Variants in STK33 observed in about 807,000 individuals in gnomAD.
The protein encoded by STK33 is serine/threonine kinase 33, also known as serine/threonine-protein kinase 33.
In STK33, 52 loss-of-function variants were observed where a neutral mutation model predicts 58.0. The ratio of observed to expected loss-of-function variants is 0.90; its 90% CI spans 0.72 to 1.13. The LOEUF is 1.13. STK33 is among the 50% of genes most tolerant of loss of function. STK33 has a pLI of 0.00. For missense variants in STK33, 630 were observed against 604.2 expected (o/e 1.04, Z -0.45); for synonymous variants, 215 against 200.1 (o/e 1.07, Z -0.63).
chr11:8,461,383 A>T (rs1187153393), intron 8 of STK33, among the ~76,000 whole-genome samples: 1 of 152,246 alleles, frequency 6.6e-6, no homozygotes, highest in East Asian at 1.9e-4. Flanking sequence ...ATGAAAAAAT[A>T]TCTCCTACAA....
the STK33 span, among the ~76,000 whole-genome samples, chr11:8,385,195 T>C: frequency 2.0e-5 from 3 of 152,272 alleles, no homozygotes; most frequent in African/African-American, 7.2e-5. Context: ...CACCATCTTA[T>C]TCAATGTCCT....
intron 15 of STK33, among the ~76,000 whole-genome samples, chr11:8,400,547 T>C (rs1432030259): frequency 6.6e-6 from 1 of 152,206 alleles, no homozygotes; most frequent in East Asian, 1.9e-4. Flanking sequence ...GCATTCCCTT[T>C]GAAAACTGGC....
intron 14 of STK33, among the ~76,000 whole-genome samples, chr11:8,431,494 C>CA (rs1943424111): frequency 6.6e-6 from 1 of 152,158 alleles, no homozygotes; most frequent in African/African-American, 2.4e-5. Context: ...ACCTTGATTA[C>CA]AAAGTGCTTT....
intron 1 of STK33, among the ~76,000 whole-genome samples, chr11:8,492,683 C>A (rs1248772283): frequency 1.3e-5 from 2 of 152,162 alleles, no homozygotes; most frequent in East Asian, 3.8e-4. Flanking sequence ...CCAAAATTGA[C>A]CACATAGTTG....
At chr11:8,410,534 G>A (rs530503980) in intron 15 of STK33, among the ~76,000 whole-genome samples, 5 of 146,656 alleles carry the variant, frequency 3.4e-5, no homozygotes, top group East Asian at 4.0e-4. Context: ...GTGCAGTGGC[G>A]TGATCTTGGC....
intron 1 of STK33, among the ~76,000 whole-genome samples, chr11:8,576,772 T>C (rs780130690): frequency 6.6e-6 from 1 of 152,110 alleles, no homozygotes; most frequent in Non-Finnish European, 1.5e-5. Context: ...AGCTAATAAA[T>C]GACAGAGACA....
chr11:8,375,736 C>T, the STK33 span, among the ~76,000 whole-genome samples: 1 of 152,014 alleles, frequency 6.6e-6, no homozygotes, highest in Non-Finnish European at 1.5e-5. Context: ...GGGCTCTTAC[C>T]CCTTCACTTG....
downstream of STK33, among the ~76,000 whole-genome samples, chr11:8,390,496 T>C (rs183036922): frequency 6.6e-6 from 1 of 152,176 alleles, no homozygotes; most frequent in East Asian, 1.9e-4. Context: ...GGCACATCTG[T>C]TGGAAACAAA....
At chr11:8,590,888 A>T (rs2032488145) in intron 1 of STK33, among the ~76,000 whole-genome samples, 1 of 152,230 alleles carries the variant, frequency 6.6e-6, no homozygotes, top group Non-Finnish European at 1.5e-5. Context: ...ATGCCAAAAA[A>T]GTCAGCAATT....
At chr11:8,518,021 C>A (rs969936077) in intron 1 of STK33, among the ~76,000 whole-genome samples, 1 of 152,174 alleles carries the variant, frequency 6.6e-6, no homozygotes, top group East Asian at 1.9e-4. Context: ...AGAAGAGCAA[C>A]CCCAAGACAC....
At chr11:8,398,240 C>A (rs1849725925) in intron 15 of STK33, among the ~76,000 whole-genome samples, 1 of 152,168 alleles carries the variant, frequency 6.6e-6, no homozygotes, top group South Asian at 2.1e-4. Context: ...AAGGTGAAGC[C>A]CATCAGACTA....
At chr11:8,382,354 G>A in the STK33 span, among the ~76,000 whole-genome samples, 1 of 152,232 alleles carries the variant, frequency 6.6e-6, no homozygotes, top group Non-Finnish European at 1.5e-5. Context: ...GGAAATGAAA[G>A]TGAGAGGCAA....
chr11:8,579,475 GA>G (rs1363449971), intron 1 of STK33, among the ~76,000 whole-genome samples: 1 of 151,756 alleles, frequency 6.6e-6, no homozygotes, highest in East Asian at 1.9e-4. Flanking sequence ...AATGATGAGG[GA>G]ATCAGAGCAT....
At chr11:8,486,400 C>G (rs2138431623) in intron 1 of STK33, among the ~76,000 whole-genome samples, 1 of 152,266 alleles carries the variant, frequency 6.6e-6, no homozygotes, top group Middle Eastern at 3.4e-3. Context: ...TATGTGTACT[C>G]TCAGCCTGGA....
At chr11:8,384,572 C>T in the STK33 span, among the ~76,000 whole-genome samples, 1 of 152,148 alleles carries the variant, frequency 6.6e-6, no homozygotes, top group Non-Finnish European at 1.5e-5. Context: ...TACACCTGGT[C>T]CTCCTTTTAA....
chr11:8,383,354 G>A, the STK33 span, among the ~76,000 whole-genome samples: 2 of 152,176 alleles, frequency 1.3e-5, no homozygotes, highest in Non-Finnish European at 2.9e-5. Flanking sequence ...CAGATGATAG[G>A]AAGAATTTTC....
At chr11:8,393,076 G>C (rs1267948994) in intron 15 of STK33, among the ~76,000 whole-genome samples, 1 of 152,170 alleles carries the variant, frequency 6.6e-6, no homozygotes, top group Admixed American at 6.5e-5. Context: ...TGGATACCCT[G>C]ATAAGTACAA....
At chr11:8,496,486 T>A (rs1194383311) in intron 1 of STK33, among the ~76,000 whole-genome samples, 2 of 152,160 alleles carry the variant, frequency 1.3e-5, no homozygotes, top group Non-Finnish European at 2.9e-5. Context: ...GTTTAAGGAA[T>A]CTCTACTGAT....
intron 1 of STK33, among the ~76,000 whole-genome samples, chr11:8,573,654 T>C (rs1957978615): frequency 6.6e-6 from 1 of 152,232 alleles, no homozygotes; most frequent in Non-Finnish European, 1.5e-5. Context: ...GCTTTATCAG[T>C]AACCGTCAAA....
Sources: gnomAD v4.1 joint callset for allele counts (sites outside exome capture counted in the v4.1 genomes callset) on GRCh38, gnomAD v4.1.1 for gene constraint, MANE v1.5 for transcripts, NCBI Gene and HGNC (gene_info 2026-07-23, HGNC 2026-07-21) for gene names.